The following EXOC1 variants were observed in gnomAD, a reference collection of about 807,000 sequenced individuals.
The protein encoded by EXOC1 is exocyst complex component 1.
Under a neutral mutation model 107.7 loss-of-function variants are expected in EXOC1, and 67 were observed. The observed-to-expected ratio is 0.62, with a 90% CI of 0.51 to 0.76. EXOC1 has a LOEUF of 0.76. Ranked by LOEUF, EXOC1 falls within the 30% of genes least tolerant of loss-of-function variation. The pLI is 0.00. For missense variants in EXOC1, 833 were observed against 1,055.7 expected, an observed-to-expected ratio of 0.79 and a Z score of 2.92; for synonymous variants, 348 against 353.5, an observed-to-expected ratio of 0.98 and a Z score of 0.17.
chr4:55,896,389 C>A (rs547073937), intron 15 of EXOC1, among the ~76,000 whole-genome samples: 59 of 152,234 alleles, frequency 3.9e-4, no homozygotes, highest in Middle Eastern at 6.8e-3. Context: ...AGCGATCCAC[C>A]CACCTTGGCC....
chr4:55,868,611 A>C, intron 5 of EXOC1, 88 bp downstream of exon 5: 1 of 1,179,426 alleles, frequency 8.5e-7, no homozygotes, highest in East Asian at 2.5e-5. Context: ...TCAGCACTTA[A>C]GCCTTTATAG....
intron 4 of EXOC1, 58 bp from the exon 5 acceptor site, chr4:55,868,278 A>C (rs1191972649): frequency 1.4e-6 from 2 of 1,449,794 alleles, no homozygotes; most frequent in African/African-American, 2.9e-5. Context: ...TATATGTATT[A>C]TGTTATAGTC....
Position 55,904,646 on chromosome 4 carries a change from T to C in EXOC1, c.*151T>C, listed in dbSNP as rs1042943061. On this transcript the variant is annotated 3_prime_UTR_variant, in exon 19 of 19. Coordinates refer to ENST00000381295, the MANE Select transcript of EXOC1 (RefSeq NM_001024924.2). Reference sequence around the variant, plus strand: ...AATGGGTAGTACCATACTACAAATATTTAAATGCAAAATTACCAACCTATA... The same window carrying C: ...AATGGGTAGTACCATACTACAAATACTTAAATGCAAAATTACCAACCTATA... The C allele has an allele frequency of 1.6e-5, 11 of 704,728 alleles. No individual in the cohort carries two copies. The African/African-American group carries it at 1.7e-4, about 11-fold the overall frequency. 43.7% of individuals were successfully genotyped at this position (704,728 alleles called of 1,614,324 possible).
intron 16 of EXOC1, among the ~76,000 whole-genome samples, chr4:55,898,475 G>A (rs1343758782): frequency 1.4e-5 from 2 of 143,642 alleles, no homozygotes; most frequent in Non-Finnish European, 3.2e-5. Context: ...TTATTATTTA[G>A]CATTGTTATT....
At chr4:55,872,977 T>C (rs1395955056) in intron 8 of EXOC1, among the ~76,000 whole-genome samples, 1 of 152,126 alleles carries the variant, frequency 6.6e-6, no homozygotes, top group African/African-American at 2.4e-5. Context: ...AGAGACTATT[T>C]TGGCCAAAAA....
chr4:55,885,020 G>A (rs1242594777), intron 10 of EXOC1, among the ~76,000 whole-genome samples: 2 of 152,042 alleles, frequency 1.3e-5, no homozygotes, highest in African/African-American at 4.8e-5. Context: ...GTAGGCTTTC[G>A]GAAACAGAAA....
At chr4:55,857,635 G>A (rs1440089569) in intron 1 of EXOC1, among the ~76,000 whole-genome samples, 9 of 150,276 alleles carry the variant, frequency 6.0e-5, no homozygotes, top group Non-Finnish European at 1.5e-5. Context: ...TATGTTTTCA[G>A]TTCTCCTGGA....
Position 55,860,463 on chromosome 4 carries a change from T to C in EXOC1, c.177T>C (p.Asp59=), listed in dbSNP as rs934602499. The C allele has an allele frequency of 3.1e-6, 5 of 1,613,990 alleles. No homozygotes were observed. Among genetic ancestry groups the C allele is most frequent in the Non-Finnish European group, 4.2e-6 (5 of 1,179,922 alleles). ...AGGTGGTCAAAGTCAAGAAATCCGATAAGGGAGATTTCTACAAAAGGCAGA... is the reference window on the plus strand; with the variant it reads ...AGGTGGTCAAAGTCAAGAAATCCGACAAGGGAGATTTCTACAAAAGGCAGA... ...QVKVVKVKKS[D]KGDFYKRQIA... The change falls in exon 3 of 19, where the codon GAT becomes GAC. Residue 59 remains aspartate, a synonymous_variant. Coordinates refer to ENST00000381295, the MANE Select transcript of EXOC1 (RefSeq NM_001024924.2).
intron 8 of EXOC1, chr4:55,877,438 C>T: frequency 1.0e-6 from 1 of 985,316 alleles, no homozygotes. Flanking sequence ...GGTTCCAATT[C>T]CAAGCTCTAA....
chr4:55,878,837 T>C (rs1055551716), intron 9 of EXOC1, among the ~76,000 whole-genome samples: 2 of 152,060 alleles, frequency 1.3e-5, no homozygotes, highest in Non-Finnish European at 2.9e-5. Flanking sequence ...GAAATTATGT[T>C]GAAAAAGATG....
rs774329602 is a variant in EXOC1, at chr4:55,888,931, G to A, written c.1374G>A (p.Glu458=). Residue 458 remains glutamate, a splice_region_variant and synonymous_variant, in exon 11 of 19, where the codon GAG becomes GAA. Transcript: ENST00000381295. ...AAAGTGCTGTCAAACAGGAAACAGAGAGTGAGTATGCTTAGTGTATTAGTA... is the reference window on the plus strand; with the variant it reads ...AAAGTGCTGTCAAACAGGAAACAGAAAGTGAGTATGCTTAGTGTATTAGTA... ...RKESAVKQET[E]SLHGSSGKLT... 4 of 1,613,374 alleles carry A rather than the reference G, an allele frequency of 2.5e-6. No individual in the cohort carries two copies. In the Admixed American group the frequency reaches 6.7e-5, roughly 27 times the overall value.
intron 13 of EXOC1, 45 bp downstream of exon 13, chr4:55,891,467 A>G: frequency 7.9e-7 from 1 of 1,270,934 alleles, no homozygotes; most frequent in Non-Finnish European, 1.1e-6. Flanking sequence ...GATCTGTAAT[A>G]TAATTAGCTT....
chr4:55,896,817 C>G lies in EXOC1; in HGVS notation c.2054C>G (p.Ala685Gly). ...GAATTTGAAGAATTTGCTGGACTTG[C>G]AGAATCAATCTTCAAAAATGCTGAG... ...VAEFEEFAGLAESIFKNAERR... is the reference protein window; with the variant it reads ...VAEFEEFAGLGESIFKNAERR... The change falls in exon 16 of 19, where the codon GCA (alanine) becomes GGA (glycine). Residue 685 changes from alanine to glycine, a missense_variant. By Grantham distance (60) the Ala-to-Gly change is moderately conservative. Around this residue, in one of 2 missense-constraint regions of EXOC1, gnomAD observed 216 missense variants for 354.4 expected, o/e 0.61. Transcript: ENST00000381295. 1 of 1,611,846 alleles carries G rather than the reference C, an allele frequency of 6.2e-7. No homozygotes were observed. Among genetic ancestry groups the G allele is most frequent in the African/African-American group, 1.3e-5 (1 of 74,864 alleles).
intron 4 of EXOC1, among the ~76,000 whole-genome samples, chr4:55,865,299 A>C (rs537684432): frequency 6.6e-6 from 1 of 152,294 alleles, no homozygotes; most frequent in South Asian, 2.1e-4. Flanking sequence ...CTACTTTTAA[A>C]ATTTCTTTCC....
intron 11 of EXOC1, 53 bp downstream of exon 11, chr4:55,888,985 T>C: frequency 6.3e-7 from 1 of 1,582,310 alleles, no homozygotes. Flanking sequence ...TTGTTTAATG[T>C]CTAGAAATTA....
chr4:55,894,614 C>CTTTTTTTTTTTTTTTTTTTTTTTT (rs772700227), intron 15 of EXOC1, among the ~76,000 whole-genome samples: 1 of 76,116 alleles, frequency 1.3e-5, no homozygotes. Flanking sequence ...CTATCTGTTA[C>CTTTTTTTTTTTTTTTTTTTTTTTT]TTTTTTTTTT....
At chr4:55,884,076 C>A (rs1026320267) in intron 10 of EXOC1, 148 bp downstream of exon 10, 2 of 589,350 alleles carry the variant, frequency 3.4e-6, no homozygotes, top group East Asian at 6.5e-5. Context: ...GATTTATAGC[C>A]GTTTCATAGA....
At chr4:55,884,325 TAA>T (rs1439451487) in intron 10 of EXOC1, among the ~76,000 whole-genome samples, 4 of 152,192 alleles carry the variant, frequency 2.6e-5, no homozygotes, top group African/African-American at 9.6e-5. Context: ...ACTAATCTCT[TAA>T]GTCATTGCTC....
chr4:55,876,997 C>T, intron 8 of EXOC1: 1 of 985,154 alleles, frequency 1.0e-6, no homozygotes, highest in Non-Finnish European at 1.2e-6. Context: ...TTCCTCTAGG[C>T]CAGAAATGTT....
Sources: allele counts gnomAD v4.1 joint callset (sites outside exome capture counted in the v4.1 genomes callset), GRCh38; gene constraint gnomAD v4.1.1; regional missense constraint gnomAD v4.1.1; transcripts MANE v1.5; gene names NCBI Gene and HGNC (gene_info 2026-07-23, HGNC 2026-07-21).